Variants in NOX5 observed in about 807,000 individuals in gnomAD.
The protein encoded by NOX5 is NADPH oxidase, EF-hand calcium binding domain 5.
A neutral mutation model predicts 85.7 loss-of-function variants in NOX5; 76 were observed. That is an observed-to-expected ratio of 0.89 (90% confidence interval 0.74 to 1.07). The LOEUF (loss-of-function observed/expected upper bound fraction) is 1.07, where lower values mean the gene tolerates loss of function less well. Among genes scored for constraint, NOX5 ranks in the 50% least tolerant of loss-of-function variants. The pLI is 0.00. For missense variants in NOX5, 973 were observed against 999.5 expected, an observed-to-expected ratio of 0.97 and a Z score of 0.36; for synonymous variants, 405 against 401.4, an observed-to-expected ratio of 1.01 and a Z score of -0.11.
chr15:69,039,115 G>A lies in NOX5; in HGVS notation c.1504+126G>A, dbSNP rs572823449. On this transcript the variant is annotated intron_variant, in intron 9 of 15. Coordinates refer to ENST00000388866, the MANE Select transcript of NOX5 (RefSeq NM_024505.4). The stretch of plus-strand genomic sequence containing the variant: ...AGAAACACAAAGTCAGCCTCAAAAA[G>A]CTCTCTTTGAAGTGGGAGCAGGCAT... 1,809 of 1,126,492 alleles carry A rather than the reference G, an allele frequency of 1.6e-3. 6 individuals are homozygous for A. Among genetic ancestry groups the A allele is most frequent in the Non-Finnish European group, 2.1e-3 (1,623 of 772,820 alleles). 69.8% of individuals were successfully genotyped at this position (1,126,492 alleles called of 1,614,324 possible).
At chr15:69,049,453 G>A (rs1304419277) in intron 14 of NOX5, among the ~76,000 whole-genome samples, 4 of 151,896 alleles carry the variant, frequency 2.6e-5, no homozygotes, top group Non-Finnish European at 4.4e-5. Flanking sequence ...GGAGAAGTAG[G>A]ATGGGGGGAG....
intron 3 of NOX5, 36 bp from the exon 4 acceptor site, chr15:69,031,482 G>T (rs746553979): frequency 5.1e-6 from 8 of 1,576,390 alleles, no homozygotes; most frequent in Non-Finnish European, 6.9e-6. Flanking sequence ...GAAAGCTGGA[G>T]GTGGGTAAAC....
At chr15:69,019,723 T>G (rs1466276875) in intron 1 of NOX5, among the ~76,000 whole-genome samples, 1 of 152,254 alleles carries the variant, frequency 6.6e-6, no homozygotes, top group Non-Finnish European at 1.5e-5. Flanking sequence ...CGGGCTTAGC[T>G]GTTTTGAATG....
At chr15:69,022,917 G>C in intron 1 of NOX5, 1 of 482,378 alleles carries the variant, frequency 2.1e-6, no homozygotes, top group Non-Finnish European at 4.2e-6. Context: ...GGATGTCTAA[G>C]TAGGGACGAA....
chr15:69,020,343 C>T (rs2050281996), intron 1 of NOX5, among the ~76,000 whole-genome samples: 1 of 152,090 alleles, frequency 6.6e-6, no homozygotes, highest in Admixed American at 6.5e-5. Flanking sequence ...TTTGGGATCC[C>T]TATCTTGTGC....
intron 9 of NOX5, among the ~76,000 whole-genome samples, chr15:69,041,861 T>A (rs1158558635): frequency 6.6e-6 from 1 of 151,900 alleles, no homozygotes; most frequent in Non-Finnish European, 1.5e-5. Flanking sequence ...GAGATTTTTT[T>A]GTTTGTGTGA....
intron 9 of NOX5, among the ~76,000 whole-genome samples, chr15:69,041,149 G>GT (rs2050589620): frequency 6.6e-6 from 1 of 152,246 alleles, no homozygotes; most frequent in Non-Finnish European, 1.5e-5. Flanking sequence ...GTGGGACTCA[G>GT]TTTAGCAGCT....
chr15:69,033,949 C>T (rs2050478452), intron 5 of NOX5, among the ~76,000 whole-genome samples: 1 of 152,096 alleles, frequency 6.6e-6, no homozygotes, highest in Non-Finnish European at 1.5e-5. Context: ...CCTCCTCGGC[C>T]TCCCAAAGTG....
At position 69,022,622 on chromosome 15, in the gene NOX5, TGA is replaced by T. The variant is rs372793012; in HGVS notation, c.51-3901_51-3900del. On this transcript the variant is annotated intron_variant, in intron 1 of 15. Coordinates refer to ENST00000388866, the MANE Select transcript of NOX5 (RefSeq NM_024505.4). ...GATGTCATGATGAGTACCCCAACAG[TGA>T]GAGAACATTTACAGTTCTCAGAAGC... The T allele has an allele frequency of 4.8e-3, 873 of 183,044 alleles. 12 individuals are homozygous for T. The highest frequency in any genetic ancestry group is 0.02 in the African/African-American group (820 of 41,794). The allele number at this position is 183,044 out of a possible 1,614,324, so 11.3% of individuals were successfully genotyped here. A position where few individuals can be genotyped will look rare whatever the true frequency, so the allele number is the denominator to read the frequency against.
chr15:69,036,582 C>T (rs1390258541), intron 7 of NOX5, among the ~76,000 whole-genome samples: 1 of 152,156 alleles, frequency 6.6e-6, no homozygotes, highest in African/African-American at 2.4e-5. Flanking sequence ...CCTCATTTGA[C>T]CCATGAGGAA....
rs12907196 is a variant in NOX5, at chr15:69,035,886, C to T, written c.1138C>T (p.Leu380Phe). The T allele has an allele frequency of 0.5, 803,355 of 1,613,872 alleles. 213,252 individuals carry two copies. The highest frequency in any genetic ancestry group is 0.56 in the Non-Finnish European group (659,056 of 1,179,906). Residue 380 changes from leucine to phenylalanine, a missense_variant, in exon 7 of 16, where the codon CTC (leucine) becomes TTC (phenylalanine). By Grantham distance (22) the Leu-to-Phe change is conservative. Transcript: ENST00000388866. ...TGVALLLLLL[L>F]MFICSSSCIR... ...TGTCGCTCTGCTGCTGCTGCTCCTC[C>T]TCATGTTCATCTGCTCCAGTTCCTG... is the stretch of plus-strand genomic sequence containing the variant.
rs1183752132 is a variant in NOX5, at chr15:69,059,367, C to G, written c.*2671C>G. 1 of 152,186 alleles carries G rather than the reference C, an allele frequency of 6.6e-6. No individual in the cohort carries two copies. The highest frequency in any genetic ancestry group is 2.4e-5 in the African/African-American group (1 of 41,444). The allele number at this position is 152,186 out of a possible 1,614,324, so 9.4% of individuals were successfully genotyped here. ...GGAAAGGGGCTGGGAAGACAACGCCCTGTTCCAAAGCTCCCCACTAGAGGC... is the reference window on the plus strand; with the variant it reads ...GGAAAGGGGCTGGGAAGACAACGCCGTGTTCCAAAGCTCCCCACTAGAGGC... On this transcript the variant is annotated 3_prime_UTR_variant, in exon 16 of 16. Transcript: ENST00000388866.
intron 1 of NOX5, among the ~76,000 whole-genome samples, chr15:69,017,096 T>C (rs2050240587): frequency 6.6e-6 from 1 of 152,146 alleles, no homozygotes; most frequent in Non-Finnish European, 1.5e-5. Flanking sequence ...TGACGAAACC[T>C]TGGTCTCCAT....
chr15:69,016,204 T>G (rs1441314029), intron 1 of NOX5, among the ~76,000 whole-genome samples: 1 of 152,026 alleles, frequency 6.6e-6, no homozygotes. Flanking sequence ...GCCCCTGCCT[T>G]GGGAGCGTGC....
intron 3 of NOX5, chr15:69,029,676 T>C (rs1234490184): frequency 6.6e-6 from 1 of 151,808 alleles, no homozygotes; most frequent in African/African-American, 2.4e-5. Flanking sequence ...ACTTGTAATT[T>C]TCTGCTTTTT....
At chr15:69,045,319 T>G (rs1417965062) in intron 10 of NOX5, among the ~76,000 whole-genome samples, 1 of 152,244 alleles carries the variant, frequency 6.6e-6, no homozygotes, top group Non-Finnish European at 1.5e-5. Context: ...GTCATAAGAT[T>G]ATTATCTCTA....
chr15:69,046,758 C>T (rs942768586), intron 10 of NOX5, 64 bp from the exon 11 acceptor site: 1 of 1,520,046 alleles, frequency 6.6e-7, no homozygotes, highest in Non-Finnish European at 9.0e-7. Flanking sequence ...GGGCAAGAAA[C>T]TTCTAAGAAA....
At chr15:69,026,797 C>T in intron 2 of NOX5, 146 bp downstream of exon 2, 1 of 1,019,734 alleles carries the variant, frequency 9.8e-7, no homozygotes, top group Non-Finnish European at 1.4e-6. Context: ...GTTTATGGCA[C>T]CCTCCCATTC....
intron 9 of NOX5, among the ~76,000 whole-genome samples, chr15:69,040,899 G>A (rs1363879536): frequency 1.8e-4 from 27 of 152,096 alleles, no homozygotes; most frequent in Admixed American, 1.8e-3. Context: ...CGTTGGCCAG[G>A]CTGGTCTTGA....
Sources: gnomAD v4.1 joint callset for allele counts (sites outside exome capture counted in the v4.1 genomes callset) on GRCh38, gnomAD v4.1.1 for gene constraint, MANE v1.5 for transcripts, NCBI Gene and HGNC (gene_info 2026-07-23, HGNC 2026-07-21) for gene names.